RUNX1T1: variants seen among roughly 807,000 people sequenced by gnomAD.
The protein encoded by RUNX1T1 is RUNX1 partner transcriptional co-repressor 1, also known as protein CBFA2T1.
RUNX1T1 carries 4 observed loss-of-function variants against 62.8 expected under a neutral mutation model. The observed-to-expected ratio is 0.06, with a 90% CI of 0.03 to 0.15. The LOEUF is 0.15. Among genes scored for constraint, RUNX1T1 ranks in the 10% least tolerant of loss-of-function variants. The probability of loss-of-function intolerance (pLI) is 1.00; values close to 1 mark genes in which losing one functional copy is unlikely to be tolerated. For synonymous variants in RUNX1T1, 291 were observed against 286.0 expected (o/e 1.02, Z -0.18); for missense variants, 508 against 754.3 (o/e 0.67, Z 3.82).
upstream of RUNX1T1, among the ~76,000 whole-genome samples, chr8:92,101,910 C>T (rs1046945126): frequency 6.6e-6 from 1 of 152,150 alleles, no homozygotes; most frequent in Non-Finnish European, 1.5e-5. Context: ...CGGTGAGCGG[C>T]GGGCCCTGGA....
chr8:91,986,880 G>A lies in RUNX1T1; in HGVS notation c.996+7C>T, dbSNP rs2197274. 7,212 of 1,546,428 alleles carry A rather than the reference G, an allele frequency of 4.7e-3. 257 individuals carry two copies. In the African/African-American group the frequency reaches 0.082, roughly 17 times the overall value. The stretch of plus-strand genomic sequence containing the variant: ...TTTTTAATCCCAAATGATTACTGAT[G>A]TCTTACATGGTCAAGATGTTTCCAC... On this transcript the variant is annotated splice_region_variant and intron_variant, in intron 7 of 10. Coordinates refer to ENST00000396218, the Ensembl canonical transcript of RUNX1T1.
At chr8:91,955,018 A>G (rs1378552870), downstream of RUNX1T1, 1 of 201,726 alleles carries the variant, frequency 5.0e-6, no homozygotes, top group African/African-American at 2.3e-5. Flanking sequence ...AAGGGTATAG[A>G]CACCCATACA....
At chr8:92,095,371 G>C in intron 1 of RUNX1T1, 2 of 1,535,430 alleles carry the variant, frequency 1.3e-6, no homozygotes, top group Non-Finnish European at 8.7e-7. Flanking sequence ...GCGCGGGAGA[G>C]CGGCCGCGGC....
At chr8:92,014,972 A>G in intron 2 of RUNX1T1, 152 bp from the exon 4 acceptor site, 1 of 734,578 alleles carries the variant, frequency 1.4e-6, no homozygotes, top group East Asian at 2.8e-5. Context: ...TCACAGGGTT[A>G]CTACATTCTC....
rs1491455087 is a variant in RUNX1T1 at position 91,959,411 on chromosome 8, CTT to C, written c.*829_*830del. ...AATTAACTGCAGGCTGAGTCTCTTA[CTT>C]GTGTGTGTGTGTGTGTGTGTGTGTG... On this transcript the variant is annotated 3_prime_UTR_variant, in exon 11 of 11. Transcript: ENST00000396218. 1.2e-3 allele frequency: 187 copies of C among 161,840 alleles called. 3 individuals are homozygous for C. The highest frequency in any genetic ancestry group is 6.0e-3 in the East Asian group (80 of 13,420). The allele number at this position is 161,840 out of a possible 1,614,324, so 10.0% of individuals were successfully genotyped here. A position where few individuals can be genotyped will look rare whatever the true frequency, so the allele number is the denominator to read the frequency against.
chr8:92,028,310 A>G (rs970503244), intron 1 of RUNX1T1, among the ~76,000 whole-genome samples: 5 of 151,960 alleles, frequency 3.3e-5, no homozygotes, highest in African/African-American at 1.2e-4. Context: ...GAAAAATAAT[A>G]CTCATTTCAT....
At chr8:92,086,924 C>T (rs969677031) in intron 1 of RUNX1T1, among the ~76,000 whole-genome samples, 1 of 152,186 alleles carries the variant, frequency 6.6e-6, no homozygotes, top group African/African-American at 2.4e-5. Context: ...CCTTGGCCTC[C>T]AGTCCATCTG....
intron 7 of RUNX1T1, 72 bp downstream of exon 8, chr8:91,986,815 A>AT: frequency 4.0e-6 from 4 of 1,001,406 alleles, no homozygotes; most frequent in Non-Finnish European, 6.3e-6. Flanking sequence ...CCAAGCTTTT[A>AT]TTTTATCACA....
At chr8:92,053,800 G>T (rs1376234221) in intron 1 of RUNX1T1, among the ~76,000 whole-genome samples, 1 of 152,030 alleles carries the variant, frequency 6.6e-6, no homozygotes, top group Non-Finnish European at 1.5e-5. Context: ...GCAAATATTT[G>T]CTGATTGCAT....
At chr8:92,103,321 A>C (rs1563956754), upstream of RUNX1T1, 2 of 198,108 alleles carry the variant, frequency 1.0e-5, no homozygotes, top group Non-Finnish European at 2.1e-5. Flanking sequence ...ATTTATCTGC[A>C]GGGCGGCCGG....
chr8:92,040,884 T>A (rs189328866), intron 1 of RUNX1T1, among the ~76,000 whole-genome samples: 2 of 152,260 alleles, frequency 1.3e-5, no homozygotes, highest in African/African-American at 2.4e-5. Flanking sequence ...AATATAAATT[T>A]TTTTTTCAAA....
intron 1 of RUNX1T1, among the ~76,000 whole-genome samples, chr8:92,038,867 ACT>A (rs1207132476): frequency 6.6e-6 from 1 of 151,240 alleles, no homozygotes; most frequent in Non-Finnish European, 1.5e-5. Context: ...CCCAGAAATT[ACT>A]CTCTCTCTTA....
intron 10 of RUNX1T1, among the ~76,000 whole-genome samples, chr8:91,961,863 C>G (rs914405398): frequency 6.6e-6 from 1 of 152,172 alleles, no homozygotes; most frequent in African/African-American, 2.4e-5. Flanking sequence ...CTGGTAACCC[C>G]AAACAGCTGA....
rs569981422 is a variant in RUNX1T1 at position 92,008,620 on chromosome 8, T to C, written c.477+2382A>G. ...AATTCCTGAATGATAATCAGGAGAA[T>C]TGACTCACAGGCTGGACATCTTGTG... On this transcript the variant is annotated intron_variant, in intron 4 of 10. Transcript: ENST00000396218. Among the ~76,000 whole-genome samples, 262 of 152,226 alleles carry C rather than the reference T, an allele frequency of 1.7e-3. 1 individual carries two copies. Among genetic ancestry groups the C allele is most frequent in the African/African-American group, 6.0e-3 (251 of 41,526 alleles).
At chr8:91,964,546 T>C (rs1811179636) in intron 10 of RUNX1T1, among the ~76,000 whole-genome samples, 1 of 152,196 alleles carries the variant, frequency 6.6e-6, no homozygotes, top group African/African-American at 2.4e-5. Flanking sequence ...AAAATCATTT[T>C]CACATGATTG....
chr8:92,072,312 T>C (rs1410707890), intron 2 of RUNX1T1, among the ~76,000 whole-genome samples: 3 of 152,230 alleles, frequency 2.0e-5, no homozygotes, highest in African/African-American at 7.2e-5. Context: ...CCATCTATGA[T>C]CTGGTTTATT....
chr8:92,009,028 C>T (rs915821062), intron 4 of RUNX1T1, among the ~76,000 whole-genome samples: 1 of 152,160 alleles, frequency 6.6e-6, no homozygotes, highest in East Asian at 1.9e-4. Flanking sequence ...CATTGCCACA[C>T]AGCTGAGTGA....
intron 5 of RUNX1T1, among the ~76,000 whole-genome samples, chr8:92,000,644 A>G (rs1189964546): frequency 6.6e-6 from 1 of 152,332 alleles, no homozygotes; most frequent in African/African-American, 2.4e-5. Context: ...GTTGGTGTGT[A>G]CTGTCATAAC....
intron 1 of RUNX1T1, among the ~76,000 whole-genome samples, chr8:92,022,787 G>C (rs1480634940): frequency 1.3e-5 from 2 of 152,168 alleles, no homozygotes; most frequent in Admixed American, 6.5e-5. Context: ...TTTATGAATA[G>C]CATTTTTGCT....
Sources: allele counts gnomAD v4.1 joint callset (sites outside exome capture counted in the v4.1 genomes callset), GRCh38; gene constraint gnomAD v4.1.1; transcripts MANE v1.5; gene names NCBI Gene and HGNC (gene_info 2026-07-23, HGNC 2026-07-21).